The following SCAPER variants were observed in gnomAD, a reference collection of about 807,000 sequenced individuals.
SCAPER encodes the protein S-phase cyclin A associated protein in the ER.
Under a neutral mutation model 182.2 loss-of-function variants are expected in SCAPER, and 98 were observed. That is an observed-to-expected ratio of 0.54 (90% CI 0.46 to 0.64). SCAPER has a LOEUF of 0.64. SCAPER is among the 30% of genes least tolerant of loss of function. The pLI, the probability that SCAPER is intolerant of heterozygous loss-of-function variation, is 0.00. For synonymous variants in SCAPER, 605 were observed against 564.6 expected (o/e 1.07, Z -1.01); for missense variants, 1,432 against 1,690.0 (o/e 0.85, Z 2.68).
chr15:76,744,404 T>C (rs2061690422), intron 15 of SCAPER, among the ~76,000 whole-genome samples: 1 of 152,104 alleles, frequency 6.6e-6, no homozygotes, highest in Non-Finnish European at 1.5e-5. Context: ...CAAAGTCTAA[T>C]ATCCAGGATA....
chr15:76,708,725 G>A (rs2059402879), intron 17 of SCAPER, among the ~76,000 whole-genome samples: 1 of 152,152 alleles, frequency 6.6e-6, no homozygotes, highest in Admixed American at 6.6e-5. Context: ...TAAACCTTTA[G>A]CTAGACTAAT....
intron 20 of SCAPER, among the ~76,000 whole-genome samples, chr15:76,681,997 G>A (rs557960223): frequency 6.6e-6 from 1 of 152,168 alleles, no homozygotes; most frequent in Non-Finnish European, 1.5e-5. Flanking sequence ...GCACCGCCCT[G>A]TATGCTAGCC....
At chr15:76,867,969 T>C in intron 2 of SCAPER, among the ~76,000 whole-genome samples, 1 of 152,008 alleles carries the variant, frequency 6.6e-6, no homozygotes, top group African/African-American at 2.4e-5. Flanking sequence ...GTTCTCTCCC[T>C]CAATTCCCCA....
chr15:76,374,211 A>G (rs1260728055), intron 29 of SCAPER, among the ~76,000 whole-genome samples: 1 of 151,936 alleles, frequency 6.6e-6, no homozygotes. Context: ...AAGATGGTGA[A>G]ACCCTGTCTC....
chr15:76,818,886 G>C (rs1008712755), intron 5 of SCAPER, among the ~76,000 whole-genome samples: 1 of 152,230 alleles, frequency 6.6e-6, no homozygotes, highest in Non-Finnish European at 1.5e-5. Flanking sequence ...GTCATCCCAC[G>C]CTAATACTGT....
At chr15:76,615,478 TACACACACACACAG>T (rs1327376585) in intron 22 of SCAPER, among the ~76,000 whole-genome samples, 1 of 119,338 alleles carries the variant, frequency 8.4e-6, no homozygotes, top group South Asian at 3.0e-4. Context: ...TATATATACA[TACACACACACACAG>T]ACACACACAC....
intron 4 of SCAPER, among the ~76,000 whole-genome samples, chr15:76,846,044 C>T (rs2070045356): frequency 6.6e-6 from 1 of 151,936 alleles, no homozygotes; most frequent in Non-Finnish European, 1.5e-5. Flanking sequence ...AAAAATCATA[C>T]ACCTACAGTG....
chr15:76,855,901 C>G, intron 4 of SCAPER: 1 of 422,008 alleles, frequency 2.4e-6, no homozygotes, highest in Non-Finnish European at 4.8e-6. Flanking sequence ...ACCATTCAAC[C>G]CAGCAATCCC....
intron 5 of SCAPER, among the ~76,000 whole-genome samples, chr15:76,806,186 G>C (rs1598835752): frequency 6.6e-6 from 1 of 152,070 alleles, no homozygotes; most frequent in African/African-American, 2.4e-5. Flanking sequence ...CTTACATTTA[G>C]GCTTTAAACT....
At chr15:76,817,251 C>T (rs937763548) in intron 5 of SCAPER, among the ~76,000 whole-genome samples, 22 of 152,208 alleles carry the variant, frequency 1.4e-4, no homozygotes, top group African/African-American at 5.3e-4. Context: ...AAAGGAGATC[C>T]TGACATTTGC....
intron 8 of SCAPER, among the ~76,000 whole-genome samples, chr15:76,779,123 G>C (rs1598675894): frequency 6.6e-6 from 1 of 151,772 alleles, no homozygotes; most frequent in East Asian, 1.9e-4. Flanking sequence ...TGGAAAAACA[G>C]CAACTGACAG....
At chr15:76,602,756 A>C (rs1343464137) in intron 22 of SCAPER, among the ~76,000 whole-genome samples, 1 of 119,262 alleles carries the variant, frequency 8.4e-6, no homozygotes, top group African/African-American at 2.5e-5. Context: ...TATTCTGTTC[A>C]CTTTCTCCCC....
intron 18 of SCAPER, among the ~76,000 whole-genome samples, chr15:76,705,528 C>A (rs2059213469): frequency 1.3e-5 from 2 of 149,360 alleles, no homozygotes; most frequent in South Asian, 2.1e-4. Context: ...TGCACATGTA[C>A]CCTAAAACTT....
At chr15:76,806,906 T>C (rs756136319) in intron 5 of SCAPER, among the ~76,000 whole-genome samples, 2 of 152,206 alleles carry the variant, frequency 1.3e-5, no homozygotes, top group Non-Finnish European at 2.9e-5. Flanking sequence ...TGAGTGTCCA[T>C]CTTGTATCCT....
At chr15:76,694,189 G>A (rs1302317655) in intron 20 of SCAPER, among the ~76,000 whole-genome samples, 1 of 151,872 alleles carries the variant, frequency 6.6e-6, no homozygotes, top group East Asian at 1.9e-4. Flanking sequence ...GGAGAGTATG[G>A]ACACTTTAAC....
intron 2 of SCAPER, 124 bp downstream of exon 2, chr15:76,883,688 G>A: frequency 1.2e-6 from 1 of 816,798 alleles, no homozygotes. Flanking sequence ...TTATCACTGT[G>A]CTTTATGACA....
rs375741750 is a variant in SCAPER at position 76,643,818 on chromosome 15, T to C, written c.2645+21835A>G. On this transcript the variant is annotated intron_variant, in intron 21 of 31. Coordinates refer to ENST00000563290, the MANE Select transcript of SCAPER (RefSeq NM_020843.4). ...CATGATTTTAATTTCCTATAAACAG[T>C]AGGCATATAAAATTGCTAGTAAGAG... Among the ~76,000 whole-genome samples, 34 of 152,284 alleles carry C rather than the reference T, an allele frequency of 2.2e-4. 1 individual carries two copies. In the East Asian group the frequency reaches 2.7e-3, roughly 12 times the overall value.
At chr15:76,800,419 A>ATAATCTT (rs2065688948) in intron 6 of SCAPER, 55 bp from the exon 7 acceptor site, 1 of 1,144,038 alleles carries the variant, frequency 8.7e-7, no homozygotes, top group South Asian at 1.3e-5. Context: ...GGAGAAACAA[A>ATAATCTT]TAATCTTTTC....
intron 22 of SCAPER, among the ~76,000 whole-genome samples, chr15:76,605,550 G>A (rs1036730091): frequency 6.6e-6 from 1 of 152,134 alleles, no homozygotes; most frequent in African/African-American, 2.4e-5. Flanking sequence ...AATGAGTTAG[G>A]GAGGATTCCC....
Sources: allele counts gnomAD v4.1 joint callset (sites outside exome capture counted in the v4.1 genomes callset), GRCh38; gene constraint gnomAD v4.1.1; transcripts MANE v1.5; gene names NCBI Gene and HGNC (gene_info 2026-07-23, HGNC 2026-07-21).